Variants in SORCS2 observed in about 807,000 individuals in gnomAD.
SORCS2 encodes the protein sortilin related VPS10 domain containing receptor 2, also known as VPS10 domain-containing receptor SorCS2.
Under a neutral mutation model 141.6 loss-of-function variants are expected in SORCS2, and 100 were observed. That is an observed-to-expected ratio of 0.71 (90% CI 0.60 to 0.83). SORCS2 has a LOEUF of 0.83. SORCS2 is among the 40% of genes least tolerant of loss of function. The pLI, the probability that SORCS2 is intolerant of heterozygous loss-of-function variation, is 0.00. For missense variants in SORCS2, 1,646 were observed against 1,560.2 expected (o/e 1.05, Z -0.93); for synonymous variants, 789 against 676.9 (o/e 1.17, Z -2.57).
At chr4:7,418,329 G>C (rs948143359) in intron 2 of SORCS2, among the ~76,000 whole-genome samples, 13 of 152,186 alleles carry the variant, frequency 8.5e-5, no homozygotes, top group Non-Finnish European at 1.8e-4. Flanking sequence ...GAAGTGCACG[G>C]GACGGGGCAG....
At chr4:7,391,332 C>T (rs1444518413) in intron 1 of SORCS2, among the ~76,000 whole-genome samples, 3 of 152,202 alleles carry the variant, frequency 2.0e-5, no homozygotes, top group South Asian at 2.1e-4. Context: ...CTGTTAATGC[C>T]GTTGTGGGTC....
chr4:7,407,251 C>T (rs375674510), intron 2 of SORCS2, among the ~76,000 whole-genome samples: 8 of 152,018 alleles, frequency 5.3e-5, no homozygotes, highest in African/African-American at 1.9e-4. Flanking sequence ...GGTGATCTGT[C>T]CATAGCTGCT....
chr4:7,654,157 GA>G lies in SORCS2; in HGVS notation c.842del (p.Lys281SerfsTer9). The part of the protein sequence containing the change: ...SKLYVSSDLG[K>X]KWTLLQERVT... ...AGCTCTACGTGTCATCTGACTTGGG[GA>G]AAAAGTGGACACTTCTGCAAGAGCG... is the stretch of plus-strand genomic sequence containing the variant. On this transcript the variant is annotated frameshift_variant, in exon 5 of 27. Coordinates refer to ENST00000507866, the MANE Select transcript of SORCS2 (RefSeq NM_020777.3). LOFTEE classifies it high-confidence loss of function. 1 of 1,582,272 alleles carries G rather than the reference GA, an allele frequency of 6.3e-7. No homozygotes were observed. The highest frequency in any genetic ancestry group is 8.6e-7 in the Non-Finnish European group (1 of 1,162,726).
intron 2 of SORCS2, among the ~76,000 whole-genome samples, chr4:7,439,138 TC>T (rs1727492120): frequency 6.6e-6 from 1 of 152,006 alleles, no homozygotes; most frequent in Non-Finnish European, 1.5e-5. Flanking sequence ...AAACCTTACC[TC>T]TTCCTGACAT....
intron 3 of SORCS2, among the ~76,000 whole-genome samples, chr4:7,595,691 C>A (rs1447914341): frequency 1.3e-5 from 2 of 152,192 alleles, no homozygotes; most frequent in African/African-American, 2.4e-5. Context: ...CAGGGATGTC[C>A]TGTGCACAGG....
intron 1 of SORCS2, among the ~76,000 whole-genome samples, chr4:7,336,461 C>G (rs1470451972): frequency 1.3e-5 from 2 of 149,364 alleles, no homozygotes; most frequent in African/African-American, 5.0e-5. Flanking sequence ...GATGGGGTTT[C>G]TAGGGTCCCA....
At chr4:7,728,324 A>C (rs780680067) in intron 21 of SORCS2, 26 bp from the exon 22 acceptor site, 2 of 1,564,602 alleles carry the variant, frequency 1.3e-6, no homozygotes, top group Middle Eastern at 1.7e-4. Context: ...AGAACTGACC[A>C]GTCTCCCTTC....
At chr4:7,610,868 A>G (rs1366613760) in intron 3 of SORCS2, among the ~76,000 whole-genome samples, 1 of 152,128 alleles carries the variant, frequency 6.6e-6, no homozygotes, top group African/African-American at 2.4e-5. Context: ...GGGGAAGGCA[A>G]GGAGGATTTC....
At chr4:7,386,062 G>C (rs577065010) in intron 1 of SORCS2, among the ~76,000 whole-genome samples, 1 of 151,992 alleles carries the variant, frequency 6.6e-6, no homozygotes, top group Non-Finnish European at 1.5e-5. Context: ...GAGTGGCTCT[G>C]TTGCCTGCGC....
At chr4:7,296,914 C>T (rs888117181) in intron 1 of SORCS2, among the ~76,000 whole-genome samples, 21 of 152,202 alleles carry the variant, frequency 1.4e-4, no homozygotes, top group African/African-American at 3.1e-4. Context: ...CCAAGGTCCG[C>T]GTGCCCGGCC....
chr4:7,666,949 G>A (rs1301050932), intron 7 of SORCS2, among the ~76,000 whole-genome samples, 175 bp from the exon 8 acceptor site: 4 of 152,044 alleles, frequency 2.6e-5, no homozygotes, highest in Admixed American at 6.5e-5. Context: ...GAGGAGGGGT[G>A]TTAATTTGGG....
intron 11 of SORCS2, among the ~76,000 whole-genome samples, chr4:7,694,033 C>T (rs536002809): frequency 2.6e-4 from 40 of 152,242 alleles, no homozygotes; most frequent in African/African-American, 9.6e-4. Flanking sequence ...CGCCGGTGCT[C>T]CCTGTCTCGG....
At chr4:7,627,398 G>C (rs1719582417) in intron 3 of SORCS2, among the ~76,000 whole-genome samples, 1 of 152,186 alleles carries the variant, frequency 6.6e-6, no homozygotes, top group African/African-American at 2.4e-5. Context: ...GATGCTGCCT[G>C]CCCAAGCCCT....
intron 3 of SORCS2, among the ~76,000 whole-genome samples, chr4:7,604,386 C>T (rs113339836): frequency 7.9e-5 from 12 of 152,306 alleles, no homozygotes; most frequent in East Asian, 7.7e-4. Flanking sequence ...GGCGCGATCT[C>T]GGCTCACTGC....
At chr4:7,465,177 G>A (rs1021838881) in intron 2 of SORCS2, among the ~76,000 whole-genome samples, 3 of 152,254 alleles carry the variant, frequency 2.0e-5, no homozygotes, top group African/African-American at 7.2e-5. Context: ...GATGGGCGCG[G>A]ACCAGGCAGC....
At chr4:7,421,615 A>C (rs762912103) in intron 2 of SORCS2, among the ~76,000 whole-genome samples, 6 of 108,652 alleles carry the variant, frequency 5.5e-5, no homozygotes, top group African/African-American at 1.0e-4. Context: ...CTTGCCCCCC[A>C]TAACTCCCTT....
intron 3 of SORCS2, among the ~76,000 whole-genome samples, chr4:7,537,708 A>G (rs917940662): frequency 2.6e-5 from 4 of 152,188 alleles, no homozygotes; most frequent in Non-Finnish European, 5.9e-5. Context: ...AAGTTTATAG[A>G]AAGAATGAGA....
At chr4:7,267,686 C>T (rs564391262) in intron 1 of SORCS2, among the ~76,000 whole-genome samples, 2 of 152,306 alleles carry the variant, frequency 1.3e-5, no homozygotes, top group East Asian at 1.9e-4. Flanking sequence ...CAAAAATTAG[C>T]CAGGCGTGGT....
intron 1 of SORCS2, among the ~76,000 whole-genome samples, chr4:7,374,126 TCC>T (rs879728550): frequency 6.3e-5 from 1 of 15,864 alleles, no homozygotes. Flanking sequence ...TTTCTTTCTT[TCC>T]CTCTTTCTTT....
Sources: allele counts gnomAD v4.1 joint callset (sites outside exome capture counted in the v4.1 genomes callset), GRCh38; gene constraint gnomAD v4.1.1; transcripts MANE v1.5; gene names NCBI Gene and HGNC (gene_info 2026-07-23, HGNC 2026-07-21).